Variants in MRPS9 observed in about 807,000 individuals in gnomAD.
MRPS9 encodes mitochondrial ribosomal protein S9, also known as small ribosomal subunit protein uS9m.
MRPS9 carries 45 observed loss-of-function variants against 59.9 expected under a neutral mutation model. The observed-to-expected ratio is 0.75, with a 90% CI of 0.59 to 0.96. The LOEUF (loss-of-function observed/expected upper bound fraction) is 0.96, where lower values mean the gene tolerates loss of function less well. MRPS9 is among the 40% of genes least tolerant of loss of function. The pLI is 0.00. For missense variants in MRPS9, 473 were observed against 481.1 expected, an observed-to-expected ratio of 0.98 and a Z score of 0.16; for synonymous variants, 171 against 166.8, an observed-to-expected ratio of 1.03 and a Z score of -0.19.
rs774078996 is a variant in MRPS9, at chr2:105,049,216, G to C, written c.181G>C (p.Val61Leu). 7 of 1,612,280 alleles carry C rather than the reference G, an allele frequency of 4.3e-6. No homozygotes were observed. Among genetic ancestry groups the C allele is most frequent in the Non-Finnish European group, 5.1e-6 (6 of 1,179,322 alleles). Reference protein sequence around the residue: ...HTAFVIPKKNVPTSKRETYTE... With the variant: ...HTAFVIPKKNLPTSKRETYTE... Reference sequence around the variant, plus strand: ...TGCATTTGTAATACCAAAGAAAAACGTTCCTACCTCAAAACGTGAAACTTA... The same window carrying C: ...TGCATTTGTAATACCAAAGAAAAACCTTCCTACCTCAAAACGTGAAACTTA... Residue 61 changes from valine to leucine, a missense_variant, in exon 2 of 11, where the codon GTT becomes CTT. Val to Leu is a conservative substitution (Grantham distance 32). Transcript: ENST00000258455.
chr2:105,045,775 TG>T (rs1212159762), intron 1 of MRPS9, among the ~76,000 whole-genome samples: 3 of 151,964 alleles, frequency 2.0e-5, no homozygotes, highest in African/African-American at 7.2e-5. Context: ...TTACAGACAT[TG>T]TATGGATATA....
chr2:105,061,230 C>T (rs1679895413), intron 2 of MRPS9, among the ~76,000 whole-genome samples: 1 of 151,492 alleles, frequency 6.6e-6, no homozygotes, highest in Non-Finnish European at 1.5e-5. Flanking sequence ...TACAGGCAGT[C>T]AAAACTAAAA....
chr2:105,073,462 C>T (rs970297064), intron 4 of MRPS9, among the ~76,000 whole-genome samples: 4 of 152,072 alleles, frequency 2.6e-5, no homozygotes, highest in Non-Finnish European at 5.9e-5. Context: ...TACCTACCTA[C>T]CTCCCAATTT....
intron 5 of MRPS9, among the ~76,000 whole-genome samples, chr2:105,086,498 T>C (rs1053382225): frequency 2.6e-5 from 4 of 152,198 alleles, no homozygotes; most frequent in Admixed American, 2.6e-4. Context: ...TGACAGCCTA[T>C]ACTTTGACTT....
intron 5 of MRPS9, among the ~76,000 whole-genome samples, chr2:105,083,628 A>G (rs989819738): frequency 6.6e-6 from 1 of 152,188 alleles, no homozygotes; most frequent in Non-Finnish European, 1.5e-5. Context: ...CATTAAGTCA[A>G]GGCATGTCTG....
chr2:105,053,781 T>TGTG (rs1431489094), intron 2 of MRPS9, among the ~76,000 whole-genome samples: 1 of 152,204 alleles, frequency 6.6e-6, no homozygotes, highest in East Asian at 1.9e-4. Context: ...TTTAAAACTC[T>TGTG]GTGTGTGTAT....
At chr2:105,077,632 G>A (rs921142246) in intron 4 of MRPS9, among the ~76,000 whole-genome samples, 3 of 152,142 alleles carry the variant, frequency 2.0e-5, no homozygotes, top group African/African-American at 4.8e-5. Context: ...TTCTGGCAAC[G>A]GAATTTTAAC....
intron 1 of MRPS9, among the ~76,000 whole-genome samples, chr2:105,039,119 A>G (rs1186430333): frequency 6.6e-6 from 1 of 152,096 alleles, no homozygotes; most frequent in Non-Finnish European, 1.5e-5. Flanking sequence ...CAGGAGAGAA[A>G]CCAGCCAGTG....
chr2:105,042,895 C>T (rs1049621066), intron 1 of MRPS9, among the ~76,000 whole-genome samples: 3 of 152,124 alleles, frequency 2.0e-5, no homozygotes, highest in Non-Finnish European at 4.4e-5. Context: ...TAATGAACTC[C>T]ACAGATCCAT....
At chr2:105,095,609 T>C (rs1345727016) in intron 9 of MRPS9, among the ~76,000 whole-genome samples, 1 of 151,128 alleles carries the variant, frequency 6.6e-6, no homozygotes, top group Non-Finnish European at 1.5e-5. Flanking sequence ...GCAATTCTCC[T>C]GCCTCAGCCT....
intron 2 of MRPS9, among the ~76,000 whole-genome samples, chr2:105,060,273 A>G (rs1442687660): frequency 6.6e-6 from 1 of 151,884 alleles, no homozygotes; most frequent in African/African-American, 2.4e-5. Flanking sequence ...GGAAATTACA[A>G]TTGTGTGTTT....
chr2:105,092,611 TGAAAAAC>T, intron 8 of MRPS9, 42 bp downstream of exon 8: 5 of 1,412,558 alleles, frequency 3.5e-6, no homozygotes, highest in Middle Eastern at 1.9e-4. Context: ...CAGTGAAGGT[TGAAAAAC>T]TACAATTATT....
In MRPS9 at chr2:105,097,124, C is replaced by T. The variant is rs757000011; in HGVS notation, c.930-31C>T. 13 of 1,440,458 alleles carry T rather than the reference C, an allele frequency of 9.0e-6. No individual in the cohort carries two copies. The Admixed American group carries it at 1.0e-4, about 12-fold the overall frequency. 89.2% of individuals were successfully genotyped at this position (1,440,458 alleles called of 1,614,324 possible). A position where few individuals can be genotyped will look rare whatever the true frequency, so the allele number is the denominator to read the frequency against. On this transcript the variant is annotated intron_variant, in intron 9 of 10. Coordinates refer to ENST00000258455, the MANE Select transcript of MRPS9 (RefSeq NM_182640.3). ...CATAATTATGTATCTTTATAGTAAA[C>T]GTAACCACATTTACTTGTGCTGTGC...
chr2:105,088,278 A>G (rs1435586920), intron 5 of MRPS9, among the ~76,000 whole-genome samples: 1 of 152,156 alleles, frequency 6.6e-6, no homozygotes, highest in African/African-American at 2.4e-5. Flanking sequence ...CAAAAGCTGT[A>G]CTATTTTGCT....
chr2:105,038,397 T>A, intron 1 of MRPS9, 170 bp downstream of exon 1: 1 of 775,972 alleles, frequency 1.3e-6, no homozygotes, highest in Non-Finnish European at 2.0e-6. Flanking sequence ...TGGCGTGCAG[T>A]AGCCGCTCTA....
At chr2:105,068,161 G>T (rs1680039095) in intron 2 of MRPS9, among the ~76,000 whole-genome samples, 2 of 152,228 alleles carry the variant, frequency 1.3e-5, no homozygotes, top group South Asian at 4.1e-4. Context: ...CCCTCCCATT[G>T]CTCCTAAAGT....
intron 2 of MRPS9, among the ~76,000 whole-genome samples, chr2:105,063,165 G>A (rs190947023): frequency 1.3e-3 from 205 of 152,306 alleles, no homozygotes; most frequent in Admixed American, 4.0e-3. Context: ...AGCTCCTTGG[G>A]CGTCTGAGGC....
At position 105,065,879 on chromosome 2, in the gene MRPS9, A is replaced by G. The variant is rs973769752; in HGVS notation, c.316-5434A>G. On this transcript the variant is annotated intron_variant, in intron 2 of 10. Transcript: ENST00000258455. ...TGTGTGGTAACTGAAAGTTAAGCAG[A>G]CACAGAAAGCAACATAATTTTTTTT... 2.0e-5 allele frequency among the ~76,000 whole-genome samples: 3 copies of G among 152,246 alleles called. No individual in the cohort carries two copies. The South Asian group carries it at 6.2e-4, about 32-fold the overall frequency.
At chr2:105,074,426 G>A (rs1680170350) in intron 4 of MRPS9, among the ~76,000 whole-genome samples, 1 of 152,006 alleles carries the variant, frequency 6.6e-6, no homozygotes, top group African/African-American at 2.4e-5. Context: ...ATATTCAGAG[G>A]GTAATTTTAA....
Sources: gnomAD v4.1 joint callset for allele counts (sites outside exome capture counted in the v4.1 genomes callset) on GRCh38, gnomAD v4.1.1 for gene constraint, MANE v1.5 for transcripts, NCBI Gene and HGNC (gene_info 2026-07-23, HGNC 2026-07-21) for gene names.